The following KIRREL3 variants were observed in gnomAD, a reference collection of about 807,000 sequenced individuals.
KIRREL3 encodes kin of IRRE-like protein 3.
In KIRREL3, 36 loss-of-function variants were observed where a neutral mutation model predicts 89.7. The ratio of observed to expected loss-of-function variants is 0.40; its 90% CI spans 0.31 to 0.53. The LOEUF (loss-of-function observed/expected upper bound fraction) is 0.53. Among genes scored for constraint, KIRREL3 ranks in the 20% least tolerant of loss-of-function variants. The pLI, the probability that KIRREL3 is intolerant of heterozygous loss-of-function variation, is 0.49. For missense variants in KIRREL3, 864 were observed against 1,056.6 expected (o/e 0.82, Z 2.53); for synonymous variants, 445 against 441.4 (o/e 1.01, Z -0.10).
Position 126,431,313 on chromosome 11 carries a change from T to C in KIRREL3, c.1696+106A>G. On this transcript the variant is annotated intron_variant, in intron 14 of 16. Transcript: ENST00000525144. The surrounding 1 kb of genome is among the most constrained non-coding windows in gnomAD (Gnocchi z 7.1). ...CTGCCCCAGGAGCTCACAGCACTGT[T>C]AGGACCCCTGTTCATTGCACTCCTG... 2 of 1,555,342 alleles carry C rather than the reference T, an allele frequency of 1.3e-6. No homozygotes were observed. Among genetic ancestry groups the C allele is most frequent in the Non-Finnish European group, 1.7e-6 (2 of 1,149,286 alleles).
chr11:126,799,125 C>T (rs1170785100), intron 1 of KIRREL3, among the ~76,000 whole-genome samples: 4 of 133,042 alleles, frequency 3.0e-5, no homozygotes, highest in Admixed American at 1.5e-4. Context: ...TCTGTGTGTG[C>T]GTGTGCATGT....
chr11:126,937,575 C>A (rs149107109), intron 1 of KIRREL3, among the ~76,000 whole-genome samples: 1 of 152,248 alleles, frequency 6.6e-6, no homozygotes, highest in East Asian at 1.9e-4. Flanking sequence ...CTTTTCCCTC[C>A]TCTGTGCCTG....
At chr11:126,671,072 G>A (rs1226088470) in intron 1 of KIRREL3, among the ~76,000 whole-genome samples, 1 of 152,054 alleles carries the variant, frequency 6.6e-6, no homozygotes, top group Non-Finnish European at 1.5e-5. Context: ...GGAACAATTG[G>A]CCATCTATAT....
intron 1 of KIRREL3, among the ~76,000 whole-genome samples, chr11:126,786,531 T>A (rs1950492649): frequency 6.6e-6 from 1 of 152,204 alleles, no homozygotes; most frequent in South Asian, 2.1e-4. Flanking sequence ...TCATAAAAAT[T>A]AATAGCATTA....
intron 1 of KIRREL3, among the ~76,000 whole-genome samples, chr11:126,813,871 A>C (rs1951472959): frequency 6.6e-6 from 1 of 152,216 alleles, no homozygotes; most frequent in Non-Finnish European, 1.5e-5. Flanking sequence ...TTCATGATGA[A>C]AACGCCAAAA....
At chr11:126,801,511 A>G (rs761006572) in intron 1 of KIRREL3, among the ~76,000 whole-genome samples, 1 of 152,190 alleles carries the variant, frequency 6.6e-6, no homozygotes, top group Non-Finnish European at 1.5e-5. Context: ...TGAGAAAACA[A>G]TTCTACCCCA....
intron 1 of KIRREL3, among the ~76,000 whole-genome samples, chr11:126,962,028 T>G (rs1002137503): frequency 6.6e-6 from 1 of 152,228 alleles, no homozygotes; most frequent in South Asian, 2.1e-4. Context: ...AAAATATTAC[T>G]GCTCATTGAC....
intron 1 of KIRREL3, among the ~76,000 whole-genome samples, chr11:126,583,589 C>A (rs1941670263): frequency 1.3e-5 from 2 of 152,190 alleles, no homozygotes; most frequent in Admixed American, 6.5e-5. Flanking sequence ...AGGTTCAAAT[C>A]CCAGCGTTGT....
intron 4 of KIRREL3, among the ~76,000 whole-genome samples, chr11:126,511,928 C>A (rs933508339): frequency 2.6e-5 from 4 of 152,214 alleles, no homozygotes; most frequent in Non-Finnish European, 4.4e-5. Flanking sequence ...AGCTGCAGCT[C>A]CCCTGGGCTT....
chr11:126,457,370 CGT>C (rs58386771), intron 6 of KIRREL3, among the ~76,000 whole-genome samples: 1 of 149,694 alleles, frequency 6.7e-6, no homozygotes, highest in African/African-American at 2.5e-5. Flanking sequence ...TGTGTGTATG[CGT>C]GTATGTGTGT....
At position 126,953,299 on chromosome 11, in the gene KIRREL3, C is replaced by A. The variant is rs1948821316; in HGVS notation, c.55+47156G>T. On this transcript the variant is annotated intron_variant, in intron 1 of 16. Coordinates refer to ENST00000525144, the MANE Select transcript of KIRREL3 (RefSeq NM_032531.4). The surrounding 1 kb of genome is among the most constrained non-coding windows in gnomAD (Gnocchi z 5.2). ...GTCGAACAATGAGAACACATGGACA[C>A]AGGGAGGGGACATCATACACCGGGG... 6.7e-6 allele frequency among the ~76,000 whole-genome samples: 1 copy of A among 148,992 alleles called. No homozygotes were observed. Among genetic ancestry groups the A allele is most frequent in the African/African-American group, 2.5e-5 (1 of 40,106 alleles).
Position 126,999,126 on chromosome 11 carries a change from G to A in KIRREL3, c.55+1329C>T, listed in dbSNP as rs1469553172. Among the ~76,000 whole-genome samples the A allele has an allele frequency of 6.8e-6, 1 of 146,864 alleles. No individual in the cohort carries two copies. Among genetic ancestry groups the A allele is most frequent in the African/African-American group, 2.6e-5 (1 of 38,514 alleles). On this transcript the variant is annotated intron_variant, in intron 1 of 16. Transcript: ENST00000525144. The surrounding 1 kb of genome is among the most constrained non-coding windows in gnomAD (Gnocchi z 5.7). ...CTGCTGTAGGGAGCCTTGGTGAGAA[G>A]CACACAACCATATGAATACATGAGT...
chr11:126,522,180 C>T lies in KIRREL3; in HGVS notation c.284-716G>A, dbSNP rs1326213318. On this transcript the variant is annotated intron_variant, in intron 3 of 16. Transcript: ENST00000525144. The surrounding 1 kb of genome is among the most constrained non-coding windows in gnomAD (Gnocchi z 6.0). ...TTATTCTGGAAAGTGGTGTGCTCAG[C>T]ACTGTGGTCTACCAAGCAGACATGC... Among the ~76,000 whole-genome samples the T allele has an allele frequency of 6.6e-6, 1 of 152,080 alleles. No homozygotes were observed. The highest frequency in any genetic ancestry group is 2.4e-5 in the African/African-American group (1 of 41,414).
chr11:126,425,849 G>A (rs566799090), intron 15 of KIRREL3, 125 bp from the exon 16 acceptor site: 9 of 705,618 alleles, frequency 1.3e-5, no homozygotes, highest in Admixed American at 1.3e-4. Context: ...CTCACTGCCT[G>A]GACCATGTGA....
rs1018630544 is a variant in KIRREL3, at chr11:126,747,112, G to A, written c.56-184200C>T. On this transcript the variant is annotated intron_variant, in intron 1 of 16. Coordinates refer to ENST00000525144, the MANE Select transcript of KIRREL3 (RefSeq NM_032531.4). The surrounding 1 kb of genome is among the most constrained non-coding windows in gnomAD (Gnocchi z 4.7). ...GACCTTTCCTAAAATGACTGGAATC[G>A]CCTCAGCTGTGTAGCTAACTTGTTT... Among the ~76,000 whole-genome samples, 27 of 152,278 alleles carry A rather than the reference G, an allele frequency of 1.8e-4. 1 individual carries two copies. Among genetic ancestry groups the A allele is most frequent in the Middle Eastern group, 3.4e-3 (1 of 294 alleles).
In KIRREL3 at chr11:126,770,312, C is replaced by A. The variant is rs1338506567; in HGVS notation, c.56-207400G>T. On this transcript the variant is annotated intron_variant, in intron 1 of 16. Transcript: ENST00000525144. Reference sequence around the variant, plus strand: ...TGATTTTCACCCTGACCTATAGACACCCGCAAAAGTCTTCTGGTTGGTCCC... The same window carrying A: ...TGATTTTCACCCTGACCTATAGACAACCGCAAAAGTCTTCTGGTTGGTCCC... Among the ~76,000 whole-genome samples, 3 of 152,126 alleles carry A rather than the reference C, an allele frequency of 2.0e-5. No homozygotes were observed. The East Asian group carries it at 5.8e-4, about 29-fold the overall frequency.
rs1396517177 is a variant in KIRREL3, at chr11:126,553,752, T to C, written c.133+9083A>G. On this transcript the variant is annotated intron_variant, in intron 2 of 16. Transcript: ENST00000525144. The surrounding 1 kb of genome is among the most constrained non-coding windows in gnomAD (Gnocchi z 4.7). ...ATCCCATTAAAAGGCCAGGTTTCCA[T>C]TGCCCTTCTGCCTGGCCACTCGGCC... 1.3e-5 allele frequency among the ~76,000 whole-genome samples: 2 copies of C among 152,200 alleles called. No individual in the cohort carries two copies. The highest frequency in any genetic ancestry group is 2.9e-5 in the Non-Finnish European group (2 of 68,028).
intron 1 of KIRREL3, among the ~76,000 whole-genome samples, chr11:126,585,420 G>C (rs1941787288): frequency 6.6e-6 from 1 of 151,514 alleles, no homozygotes; most frequent in African/African-American, 2.4e-5. Flanking sequence ...TTTCAGTAGA[G>C]ATGGGTTTTC....
chr11:126,649,267 C>T (rs907652234), intron 1 of KIRREL3, among the ~76,000 whole-genome samples: 3 of 152,156 alleles, frequency 2.0e-5, no homozygotes, highest in Non-Finnish European at 2.9e-5. Flanking sequence ...CATTCTGCTC[C>T]TGGCCCCTCC....
Sources: allele counts gnomAD v4.1 joint callset (sites outside exome capture counted in the v4.1 genomes callset), GRCh38; gene constraint gnomAD v4.1.1; non-coding constraint Gnocchi (gnomAD v3.1); transcripts MANE v1.5; gene names NCBI Gene and HGNC (gene_info 2026-07-23, HGNC 2026-07-21).